THSD4: variants seen among roughly 807,000 people sequenced by gnomAD.
THSD4 encodes thrombospondin type 1 domain containing 4.
In THSD4, 69 loss-of-function variants were observed where a neutral mutation model predicts 119.0. The ratio of observed to expected loss-of-function variants is 0.58; its 90% CI spans 0.48 to 0.71. The LOEUF is 0.71. THSD4 is among the 30% of genes least tolerant of loss of function. The pLI is 0.00. For synonymous variants in THSD4, 524 were observed against 540.4 expected (o/e 0.97, Z 0.42); for missense variants, 1,393 against 1,391.1 (o/e 1.00, Z -0.02).
intron 6 of THSD4, among the ~76,000 whole-genome samples, chr15:71,356,799 C>A (rs904331090): frequency 6.6e-6 from 1 of 152,104 alleles, no homozygotes; most frequent in African/African-American, 2.4e-5. Context: ...GGACCTGGAT[C>A]TGCTGTCTTC....
At chr15:71,343,084 A>T (rs979734212) in intron 6 of THSD4, among the ~76,000 whole-genome samples, 7 of 152,124 alleles carry the variant, frequency 4.6e-5, no homozygotes, top group African/African-American at 1.7e-4. Context: ...AACAAAGTCC[A>T]CCCCTAAATG....
chr15:71,135,770 C>G (rs951999998), intron 1 of THSD4, among the ~76,000 whole-genome samples: 6 of 152,048 alleles, frequency 3.9e-5, no homozygotes, highest in African/African-American at 1.2e-4. Flanking sequence ...ACATCTTGTC[C>G]TGGGCCTGCC....
chr15:71,567,234 G>A (rs530192865), intron 7 of THSD4, among the ~76,000 whole-genome samples: 55 of 152,216 alleles, frequency 3.6e-4, no homozygotes, highest in African/African-American at 1.3e-3. Flanking sequence ...ATCCCAGAGA[G>A]GTCTTTGCTT....
chr15:71,585,862 G>T (rs2049658307), intron 7 of THSD4, among the ~76,000 whole-genome samples: 1 of 152,032 alleles, frequency 6.6e-6, no homozygotes. Flanking sequence ...GCGTGATTGA[G>T]TCTGTTGTTG....
chr15:71,276,422 G>A (rs1162225579), intron 6 of THSD4, among the ~76,000 whole-genome samples: 2 of 152,318 alleles, frequency 1.3e-5, no homozygotes, highest in East Asian at 3.9e-4. Flanking sequence ...TCCCTTTAGA[G>A]TGTGGTTAAT....
At chr15:71,111,284 C>T (rs547729942), upstream of THSD4, 28 of 1,613,926 alleles carry the variant, frequency 1.7e-5, no homozygotes, top group East Asian at 1.3e-4. Context: ...CTTGACATTC[C>T]GTCTGGAAAC....
At chr15:71,639,400 A>AT (rs2050811405) in intron 7 of THSD4, among the ~76,000 whole-genome samples, 1 of 152,304 alleles carries the variant, frequency 6.6e-6, no homozygotes, top group South Asian at 2.1e-4. Context: ...CCCATTTGCA[A>AT]TACAGGACCA....
chr15:71,715,150 G>A (rs932048586), intron 8 of THSD4, among the ~76,000 whole-genome samples: 1 of 152,084 alleles, frequency 6.6e-6, no homozygotes, highest in African/African-American at 2.4e-5. Context: ...TTCAGTTATC[G>A]CTTGGAGTTC....
chr15:71,698,672 A>G (rs2052218906), intron 8 of THSD4, among the ~76,000 whole-genome samples: 1 of 150,318 alleles, frequency 6.7e-6, no homozygotes, highest in Non-Finnish European at 1.5e-5. Context: ...ATGCATGTAT[A>G]TATTTCACAA....
intron 7 of THSD4, among the ~76,000 whole-genome samples, chr15:71,601,958 G>C (rs886216577): frequency 7.2e-5 from 11 of 152,132 alleles, no homozygotes; most frequent in Non-Finnish European, 1.0e-4. Flanking sequence ...TTTCTCTTCA[G>C]GGTAGCTTAG....
intron 8 of THSD4, among the ~76,000 whole-genome samples, chr15:71,724,297 T>TTTTTC (rs1491121953): frequency 0.036 from 1,495 of 41,296 alleles, 48 homozygotes; most frequent in African/African-American, 0.064. Flanking sequence ...ATTTTTTTTT[T>TTTTTC]CCCCCCAAGA....
chr15:71,681,130 G>A (rs1187419984), intron 8 of THSD4, among the ~76,000 whole-genome samples: 1 of 151,692 alleles, frequency 6.6e-6, no homozygotes, highest in Non-Finnish European at 1.5e-5. Flanking sequence ...GGCTAGGGTG[G>A]TCTTGAACCC....
intron 7 of THSD4, among the ~76,000 whole-genome samples, chr15:71,517,219 G>A (rs2048373881): frequency 6.6e-6 from 1 of 152,140 alleles, no homozygotes. Flanking sequence ...CAAAGCATCT[G>A]ATTTGATAAT....
At chr15:71,492,815 T>C (rs541188952) in intron 7 of THSD4, among the ~76,000 whole-genome samples, 1 of 152,054 alleles carries the variant, frequency 6.6e-6, no homozygotes, top group Non-Finnish European at 1.5e-5. Flanking sequence ...TGGAACCTAG[T>C]AGCAGGAATC....
chr15:71,320,043 C>G (rs1361540487), intron 6 of THSD4, among the ~76,000 whole-genome samples: 1 of 152,154 alleles, frequency 6.6e-6, no homozygotes, highest in African/African-American at 2.4e-5. Flanking sequence ...CACTAACATT[C>G]TTGAAAATAT....
At chr15:71,476,183 T>C (rs1360158143) in intron 7 of THSD4, among the ~76,000 whole-genome samples, 1 of 152,202 alleles carries the variant, frequency 6.6e-6, no homozygotes, top group East Asian at 1.9e-4. Context: ...GCTGGGATAA[T>C]TGTTTGCCCC....
intron 3 of THSD4, chr15:71,187,664 A>T (rs796337833): frequency 2.0e-5 from 3 of 152,620 alleles, no homozygotes; most frequent in African/African-American, 7.2e-5. Context: ...TGCAAACCGC[A>T]TTTCTCATGC....
At chr15:71,724,523 G>T (rs2052797418) in intron 8 of THSD4, among the ~76,000 whole-genome samples, 1 of 151,484 alleles carries the variant, frequency 6.6e-6, no homozygotes, top group Non-Finnish European at 1.5e-5. Flanking sequence ...CTGACCTCGT[G>T]ATCCGCCAGC....
intron 7 of THSD4, among the ~76,000 whole-genome samples, chr15:71,618,105 C>A (rs1173646258): frequency 1.3e-5 from 2 of 152,168 alleles, no homozygotes; most frequent in Non-Finnish European, 2.9e-5. Context: ...CAAGAAATAT[C>A]CAAAGTGGTC....
Sources: gnomAD v4.1 joint callset for allele counts (sites outside exome capture counted in the v4.1 genomes callset) on GRCh38, gnomAD v4.1.1 for gene constraint, MANE v1.5 for transcripts, NCBI Gene and HGNC (gene_info 2026-07-23, HGNC 2026-07-21) for gene names.